PACS2: variants seen among roughly 807,000 people sequenced by gnomAD.
PACS2 encodes phosphofurin acidic cluster sorting protein 2.
Under a neutral mutation model 113.0 loss-of-function variants are expected in PACS2, and 36 were observed. The ratio of observed to expected loss-of-function variants is 0.32; its 90% CI spans 0.24 to 0.42. PACS2 has a LOEUF of 0.42. Among genes scored for constraint, PACS2 ranks in the 10% least tolerant of loss-of-function variants. PACS2 has a pLI of 1.00. For missense variants in PACS2, 1,015 were observed against 1,239.5 expected (o/e 0.82, Z 2.72); for synonymous variants, 589 against 536.1 (o/e 1.10, Z -1.36).
intron 1 of PACS2, among the ~76,000 whole-genome samples, chr14:105,339,259 C>T (rs1261519924): frequency 1.3e-5 from 2 of 151,994 alleles, no homozygotes; most frequent in African/African-American, 4.8e-5. Context: ...GTAACCCTAG[C>T]ACTTTGGGAG....
At position 105,317,345 on chromosome 14, in the gene PACS2, T is replaced by C. The variant is rs1040235369; in HGVS notation, c.119+2308T>C. ...GGATGGGCAGGGCCTGTCTTAAGCATGTACCGCCAGCTACCAGGATTTATG... is the reference window on the plus strand; with the variant it reads ...GGATGGGCAGGGCCTGTCTTAAGCACGTACCGCCAGCTACCAGGATTTATG... On this transcript the variant is annotated intron_variant, in intron 1 of 24. Coordinates refer to ENST00000447393, the MANE Select transcript of PACS2 (RefSeq NM_001100913.3). This position sits in a 1 kb window ranked among gnomAD's most constrained non-coding sequence, Gnocchi z 4.2. Among the ~76,000 whole-genome samples the C allele has an allele frequency of 1.3e-5, 2 of 152,176 alleles. No individual in the cohort carries two copies. The highest frequency in any genetic ancestry group is 2.9e-5 in the Non-Finnish European group (2 of 68,038).
chr14:105,370,123 C>A (rs12882416), intron 8 of PACS2: 473,050 of 478,648 alleles, frequency 0.99, 233,904 homozygotes, highest in East Asian at 1. Flanking sequence ...TCGTGAATAC[C>A]CTGGAAGTCG....
chr14:105,364,373 CGTCCCGGGTGCGCGGTGGGCGGT>C lies in PACS2; in HGVS notation c.424-2794_424-2772del, dbSNP rs1199183484. Among the ~76,000 whole-genome samples the C allele has an allele frequency of 8.2e-3, 1,092 of 133,340 alleles. 28 individuals are homozygous for C. Among genetic ancestry groups the C allele is most frequent in the East Asian group, 0.038 (167 of 4,408 alleles). The allele number at this position is 133,340 out of a possible 152,430, so 87.5% of individuals were successfully genotyped here. On this transcript the variant is annotated intron_variant, in intron 4 of 24. Transcript: ENST00000447393. ...GGCGGTGTCCCGGGTGCACGGTGGG[CGTCCCGGGTGCGCGGTGGGCGGT>C]GTCCCGGGTGCGCGGTGGGCGGTGT...
At position 105,330,595 on chromosome 14, in the gene PACS2, A is replaced by C. The variant is rs1415492186; in HGVS notation, c.119+15558A>C. Among the ~76,000 whole-genome samples, 5 of 152,168 alleles carry C rather than the reference A, an allele frequency of 3.3e-5. No homozygotes were observed. Among genetic ancestry groups the C allele is most frequent in the African/African-American group, 1.2e-4 (5 of 41,448 alleles). ...GACCCCCGGTCCCAGGGTGGCAGCT[A>C]GTGCAGCCTAGGCCACACCAGCATG... On this transcript the variant is annotated intron_variant, in intron 1 of 24. Transcript: ENST00000447393. The surrounding 1 kb of genome is among the most constrained non-coding windows in gnomAD (Gnocchi z 6.9).
At chr14:105,393,521 AT>A (rs1352792676) in intron 24 of PACS2, 186 bp downstream of exon 24, 23 of 467,286 alleles carry the variant, frequency 4.9e-5, no homozygotes, top group East Asian at 3.2e-4. Flanking sequence ...CTGAGAAAGA[AT>A]TTTTTTTCAA....
intron 2 of PACS2, among the ~76,000 whole-genome samples, chr14:105,350,082 A>ACCCCAAGAAC (rs1566928394): frequency 6.0e-5 from 9 of 149,692 alleles, no homozygotes; most frequent in African/African-American, 2.3e-4. Flanking sequence ...TGATAGCAGG[A>ACCCCAAGAAC]TGGAAGCGTC....
Position 105,391,700 on chromosome 14 carries a change from C to A in PACS2, c.2189C>A (p.Ala730Glu). 6.2e-7 allele frequency: 1 copy of A among 1,605,062 alleles called. No homozygotes were observed. Reference sequence around the variant, plus strand: ...TCCACCCCGCCGTCCGCATCTCCTGCGGCCAAGGAGGCCTCACCCACCCCG... The same window carrying A: ...TCCACCCCGCCGTCCGCATCTCCTGAGGCCAAGGAGGCCTCACCCACCCCG... ...LSSTPPSASP[A>E]AKEASPTPPS... The change falls in exon 22 of 25, where the codon GCG (alanine) becomes GAG (glutamate). Residue 730 changes from alanine (A) to glutamate (E), a missense_variant. Ala to Glu is a moderately radical substitution (Grantham distance 107). Around this residue, in one of 3 missense-constraint regions of PACS2, gnomAD observed 859 missense variants for 1,056.8 expected, o/e 0.81. Transcript: ENST00000447393.
intron 1 of PACS2, among the ~76,000 whole-genome samples, chr14:105,322,804 A>G (rs138512777): frequency 1.3e-5 from 2 of 152,344 alleles, no homozygotes; most frequent in Non-Finnish European, 2.9e-5. Context: ...TTCTTCTTGC[A>G]TGTCAGGAAT....
intron 2 of PACS2, among the ~76,000 whole-genome samples, chr14:105,350,894 C>T (rs1453015899): frequency 6.6e-6 from 1 of 152,198 alleles, no homozygotes; most frequent in Non-Finnish European, 1.5e-5. Flanking sequence ...GACAGGAGGG[C>T]TGGCCGAGGA....
At chr14:105,349,982 C>T (rs587637256) in intron 2 of PACS2, among the ~76,000 whole-genome samples, 51 of 148,570 alleles carry the variant, frequency 3.4e-4, no homozygotes, top group Middle Eastern at 3.4e-3. Context: ...CGAGAACTTC[C>T]GGGAGCGCGT....
Position 105,384,951 on chromosome 14 carries a change from C to A in PACS2, c.1964C>A (p.Pro655His), listed in dbSNP as rs868930556. Residue 655 changes from proline (P) to histidine (H), a missense_variant, in exon 18 of 25, where the codon CCC becomes CAC. Physicochemically the swap from Pro to His is moderately conservative, Grantham distance 77 (BLOSUM62 -2). Coordinates refer to ENST00000447393, the MANE Select transcript of PACS2 (RefSeq NM_001100913.3). ...IAGANCAHQL[P>H]IAEAMLTYKQ... is the part of the protein sequence containing the mutation. ...GGGGCCAACTGTGCCCACCAGCTCC[C>A]CATCGCAGAGGCCATGCTGACCTAC... The A allele has an allele frequency of 6.3e-7, 1 of 1,597,550 alleles. No individual in the cohort carries two copies. The highest frequency in any genetic ancestry group is 2.3e-5 in the East Asian group (1 of 44,182).
At chr14:105,380,667 TC>T (rs1251826415) in intron 11 of PACS2, among the ~76,000 whole-genome samples, 5 of 152,066 alleles carry the variant, frequency 3.3e-5, no homozygotes, top group African/African-American at 1.2e-4. Context: ...AACGCCTGGT[TC>T]CCCCCTGCTG....
intron 1 of PACS2, among the ~76,000 whole-genome samples, chr14:105,318,263 A>C (rs1234957448): frequency 6.6e-6 from 1 of 152,048 alleles, no homozygotes; most frequent in African/African-American, 2.4e-5. Flanking sequence ...GATTACAGGT[A>C]TGAGCCCCTG....
At chr14:105,307,973 A>G (rs1428439838) in intron 1 of PACS2, among the ~76,000 whole-genome samples, 1 of 152,158 alleles carries the variant, frequency 6.6e-6, no homozygotes, top group Non-Finnish European at 1.5e-5. Flanking sequence ...GCTTGAGCCC[A>G]GGAGTTCGAG....
chr14:105,382,739 T>G, intron 14 of PACS2, 68 bp from the exon 15 acceptor site: 1 of 1,053,926 alleles, frequency 9.5e-7, no homozygotes, highest in Non-Finnish European at 1.4e-6. Context: ...AGAGCTTTGG[T>G]GAGGGTCAGG....
At chr14:105,322,410 C>T (rs1334472882) in intron 1 of PACS2, among the ~76,000 whole-genome samples, 2 of 151,592 alleles carry the variant, frequency 1.3e-5, no homozygotes, top group African/African-American at 2.4e-5. Flanking sequence ...ACTACAGGTG[C>T]GCGCCACCGC....
rs368051873 is a variant in PACS2, at chr14:105,383,413, G to T, written c.1680G>T (p.Ala560=). Residue 560 remains alanine, a synonymous_variant, in exon 16 of 25, where the codon GCG becomes GCT. Coordinates refer to ENST00000447393, the MANE Select transcript of PACS2 (RefSeq NM_001100913.3). ...CCGTGAAGATCGCCGTGGCGGGAGCGCAGCATTACCTCAGTGCCATCCTGC... is the reference window on the plus strand; with the variant it reads ...CCGTGAAGATCGCCGTGGCGGGAGCTCAGCATTACCTCAGTGCCATCCTGC... The part of the protein sequence containing the change: ...PTPVKIAVAG[A]QHYLSAILRL... The T allele has an allele frequency of 1.2e-6, 2 of 1,608,192 alleles. No individual in the cohort carries two copies. Among genetic ancestry groups the T allele is most frequent in the African/African-American group, 2.7e-5 (2 of 74,720 alleles).
chr14:105,373,777 G>C (rs2061244373), intron 8 of PACS2, among the ~76,000 whole-genome samples: 1 of 149,774 alleles, frequency 6.7e-6, no homozygotes, highest in Admixed American at 6.6e-5. Context: ...ACCAGAGTGA[G>C]ACCCTGTCTC....
chr14:105,377,584 C>G (rs2080829877), intron 9 of PACS2, among the ~76,000 whole-genome samples: 1 of 152,300 alleles, frequency 6.6e-6, no homozygotes, highest in East Asian at 1.9e-4. Context: ...GCTTGGTAGA[C>G]CTTTTGCTCT....
Sources: allele counts gnomAD v4.1 joint callset (sites outside exome capture counted in the v4.1 genomes callset), GRCh38; gene constraint gnomAD v4.1.1; regional missense constraint gnomAD v4.1.1; non-coding constraint Gnocchi (gnomAD v3.1); transcripts MANE v1.5; gene names NCBI Gene and HGNC (gene_info 2026-07-23, HGNC 2026-07-21).